Variants in NBAS observed in about 807,000 individuals in gnomAD.
NBAS encodes NAG/BC035112 fusion.
Under a neutral mutation model 302.5 loss-of-function variants are expected in NBAS, and 219 were observed. The observed-to-expected ratio is 0.72, with a 90% CI of 0.65 to 0.81. The LOEUF (loss-of-function observed/expected upper bound fraction) is 0.81, where lower values mean the gene tolerates loss of function less well. NBAS is among the 30% of genes least tolerant of loss of function. The pLI is 0.00. For missense variants in NBAS, 2,932 were observed against 2,841.6 expected, an observed-to-expected ratio of 1.03 and a Z score of -0.72; for synonymous variants, 1,118 against 1,021.6, an observed-to-expected ratio of 1.09 and a Z score of -1.80.
rs992169438 is a variant in NBAS at position 15,525,555 on chromosome 2, G to A, written c.746+8988C>T. Among the ~76,000 whole-genome samples, 17 of 152,240 alleles carry A rather than the reference G, an allele frequency of 1.1e-4. No individual in the cohort carries two copies. The South Asian group carries it at 1.5e-3, about 13-fold the overall frequency. On this transcript the variant is annotated intron_variant, in intron 9 of 51. Transcript: ENST00000281513. ...GTGGTGGCACAACTCTATACATTTAGTAAAAATCAATGAATTATATACTGG... is the reference window on the plus strand; with the variant it reads ...GTGGTGGCACAACTCTATACATTTAATAAAAATCAATGAATTATATACTGG...
chr2:14,803,873 C>T, the NBAS span, among the ~76,000 whole-genome samples: 1 of 152,132 alleles, frequency 6.6e-6, no homozygotes, highest in Non-Finnish European at 1.5e-5. Context: ...TGGTCTCAAA[C>T]TCCTAACCTC....
chr2:14,839,122 C>G, the NBAS span, among the ~76,000 whole-genome samples: 1 of 151,806 alleles, frequency 6.6e-6, no homozygotes, highest in South Asian at 2.1e-4. Context: ...TATACAGCAC[C>G]AAGATTATAC....
chr2:14,904,501 C>G, the NBAS span, among the ~76,000 whole-genome samples: 2 of 152,146 alleles, frequency 1.3e-5, no homozygotes, highest in Non-Finnish European at 2.9e-5. Flanking sequence ...CCACCTTCTT[C>G]CAGTATGACA....
chr2:15,125,175 C>G, the NBAS span, among the ~76,000 whole-genome samples: 1 of 152,202 alleles, frequency 6.6e-6, no homozygotes, highest in Non-Finnish European at 1.5e-5. Context: ...CTGTATTAGT[C>G]TGTTCTCACA....
the NBAS span, among the ~76,000 whole-genome samples, chr2:15,070,284 G>C: frequency 6.6e-6 from 1 of 152,184 alleles, no homozygotes; most frequent in Admixed American, 6.5e-5. Context: ...ATGTGGCCTT[G>C]AGGATAGACC....
intron 38 of NBAS, among the ~76,000 whole-genome samples, chr2:15,315,104 G>A (rs1384519050): frequency 6.6e-6 from 1 of 152,158 alleles, no homozygotes; most frequent in Non-Finnish European, 1.5e-5. Flanking sequence ...TGCTGCACTT[G>A]TCACAATCTG....
the NBAS span, among the ~76,000 whole-genome samples, chr2:14,819,916 T>C: frequency 2.0e-5 from 3 of 152,218 alleles, no homozygotes; most frequent in Non-Finnish European, 4.4e-5. Flanking sequence ...GAAAAGGTCC[T>C]CAACATCATT....
chr2:15,497,695 A>G (rs1012497115), intron 11 of NBAS, among the ~76,000 whole-genome samples: 6 of 152,302 alleles, frequency 3.9e-5, no homozygotes, highest in South Asian at 2.1e-4. Context: ...TACAGATGCC[A>G]GTTTAGGACT....
chr2:15,250,123 C>G (rs996501226), intron 44 of NBAS, among the ~76,000 whole-genome samples: 1 of 151,994 alleles, frequency 6.6e-6, no homozygotes. Flanking sequence ...AGATATAGAC[C>G]AATGGAACAA....
intron 19 of NBAS, among the ~76,000 whole-genome samples, chr2:15,466,059 T>C (rs1490155086): frequency 6.6e-6 from 1 of 152,206 alleles, no homozygotes; most frequent in East Asian, 1.9e-4. Flanking sequence ...AAGAGTGTTT[T>C]GTAACTTGTT....
At chr2:14,839,630 C>G in the NBAS span, among the ~76,000 whole-genome samples, 1 of 152,046 alleles carries the variant, frequency 6.6e-6, no homozygotes, top group Non-Finnish European at 1.5e-5. Flanking sequence ...GGATATCCCC[C>G]TTTTGAATCT....
the NBAS span, among the ~76,000 whole-genome samples, chr2:15,034,306 T>A: frequency 1.3e-3 from 110 of 87,384 alleles, no homozygotes; most frequent in East Asian, 0.014. Flanking sequence ...GAAAGAAAGA[T>A]GGAGAGAGGG....
At chr2:14,841,226 T>C in the NBAS span, among the ~76,000 whole-genome samples, 3 of 151,784 alleles carry the variant, frequency 2.0e-5, no homozygotes, top group Non-Finnish European at 4.4e-5. Flanking sequence ...TTAAAATATA[T>C]TCCCAGAGAA....
chr2:15,314,803 T>A (rs1185743686), intron 38 of NBAS, among the ~76,000 whole-genome samples: 3 of 152,226 alleles, frequency 2.0e-5, no homozygotes. Flanking sequence ...GGAGCGTGGA[T>A]GTACAGTTTT....
intron 21 of NBAS, among the ~76,000 whole-genome samples, chr2:15,454,043 C>T (rs1302349338): frequency 6.6e-6 from 1 of 152,160 alleles, no homozygotes; most frequent in East Asian, 1.9e-4. Context: ...TCCCAAAGTG[C>T]TGGGATTACA....
chr2:15,241,600 T>C (rs947415727), intron 44 of NBAS, among the ~76,000 whole-genome samples: 11 of 152,092 alleles, frequency 7.2e-5, no homozygotes, highest in African/African-American at 2.4e-4. Context: ...TGAAAAAAAA[T>C]GACCCCTGCT....
the NBAS span, among the ~76,000 whole-genome samples, chr2:14,974,409 A>G: frequency 6.6e-6 from 1 of 152,216 alleles, no homozygotes; most frequent in African/African-American, 2.4e-5. Context: ...CTTTGCTGGT[A>G]GGGGAGGTAA....
chr2:15,190,496 T>A (rs561600651), intron 48 of NBAS, 93 bp from the exon 49 acceptor site: 700 of 1,430,644 alleles, frequency 4.9e-4, no homozygotes, highest in African/African-American at 3.9e-3. Context: ...AACTTTTTTT[T>A]AAAATGTTTT....
the NBAS span, among the ~76,000 whole-genome samples, chr2:15,105,772 T>C: frequency 6.6e-6 from 1 of 152,142 alleles, no homozygotes; most frequent in Non-Finnish European, 1.5e-5. Context: ...ACACACCACA[T>C]AGGTACAGTG....
Sources: gnomAD v4.1 joint callset for allele counts (sites outside exome capture counted in the v4.1 genomes callset) on GRCh38, gnomAD v4.1.1 for gene constraint, MANE v1.5 for transcripts, NCBI Gene and HGNC (gene_info 2026-07-23, HGNC 2026-07-21) for gene names.